MIR2052HG: variants seen among roughly 807,000 people sequenced by gnomAD.
MIR2052HG encodes MIR2052 host gene.
chr8:74,725,127 A>G (rs1563540343), intron 4 of MIR2052HG, among the ~76,000 whole-genome samples: 1 of 152,256 alleles, frequency 6.6e-6, no homozygotes, highest in African/African-American at 2.4e-5. Flanking sequence ...GAGTAGGGAA[A>G]AAAAGGTATT....
At chr8:74,704,255 G>A (rs1339732961) in intron 4 of MIR2052HG, among the ~76,000 whole-genome samples, 1 of 151,768 alleles carries the variant, frequency 6.6e-6, no homozygotes, top group Non-Finnish European at 1.5e-5. Flanking sequence ...ATACTTCTTG[G>A]CAATGAGAGC....
intron 1 of MIR2052HG, among the ~76,000 whole-genome samples, chr8:74,602,376 C>G (rs1207714231): frequency 6.6e-6 from 1 of 152,174 alleles, no homozygotes; most frequent in East Asian, 1.9e-4. Flanking sequence ...CCATCAGTTC[C>G]AGAGATTGCC....
intron 4 of MIR2052HG, among the ~76,000 whole-genome samples, chr8:74,749,514 A>G (rs140878462): frequency 2.2e-4 from 33 of 152,290 alleles, no homozygotes; most frequent in African/African-American, 7.9e-4. Context: ...AAACGTCTCA[A>G]CATAATTTCA....
At chr8:74,658,171 A>G (rs773402450) in intron 2 of MIR2052HG, among the ~76,000 whole-genome samples, 10 of 152,156 alleles carry the variant, frequency 6.6e-5, no homozygotes, top group Non-Finnish European at 1.2e-4. Context: ...AGTGAGACCA[A>G]TACACAATTA....
intron 2 of MIR2052HG, among the ~76,000 whole-genome samples, chr8:74,670,382 T>C (rs1563527991): frequency 6.6e-6 from 1 of 152,176 alleles, no homozygotes; most frequent in Non-Finnish European, 1.5e-5. Context: ...TCCGGTAATA[T>C]GGCAGGCTAT....
intron 2 of MIR2052HG, among the ~76,000 whole-genome samples, chr8:74,652,678 C>T (rs919479100): frequency 6.6e-6 from 1 of 152,082 alleles, no homozygotes; most frequent in African/African-American, 2.4e-5. Context: ...AGGTATTCTG[C>T]ATTAAATGTG....
intron 4 of MIR2052HG, among the ~76,000 whole-genome samples, chr8:74,746,403 A>G (rs1809885757): frequency 1.3e-5 from 2 of 152,160 alleles, no homozygotes; most frequent in South Asian, 4.1e-4. Flanking sequence ...ATAGAATGAT[A>G]AATAGTCCAG....
At chr8:74,714,523 G>A (rs1809501185) in intron 4 of MIR2052HG, among the ~76,000 whole-genome samples, 1 of 152,020 alleles carries the variant, frequency 6.6e-6, no homozygotes, top group South Asian at 2.1e-4. Context: ...CACTTCCAGA[G>A]GGCTACAATG....
At chr8:74,625,280 T>C (rs1413247632) in intron 2 of MIR2052HG, 1 of 152,220 alleles carries the variant, frequency 6.6e-6, no homozygotes, top group African/African-American at 2.4e-5. Context: ...CCCAGGCTTG[T>C]CTTGAACTCC....
At chr8:74,695,317 A>C (rs558830477) in intron 2 of MIR2052HG, among the ~76,000 whole-genome samples, 1 of 152,342 alleles carries the variant, frequency 6.6e-6, no homozygotes, top group Admixed American at 6.5e-5. Flanking sequence ...GGAGCTCTAA[A>C]TCTTGAAATA....
chr8:74,707,407 G>T (rs546148861), intron 4 of MIR2052HG, among the ~76,000 whole-genome samples: 1 of 152,120 alleles, frequency 6.6e-6, no homozygotes, highest in Non-Finnish European at 1.5e-5. Context: ...GGATAGTATC[G>T]ATATGGTAGA....
exon 3 of MIR2052HG, chr8:74,702,393 T>A (rs774897586): frequency 6.6e-6 from 3 of 454,588 alleles, no homozygotes; most frequent in Non-Finnish European, 1.3e-5. Context: ...AGCTATGCCA[T>A]CTTTTATGTC....
intron 4 of MIR2052HG, among the ~76,000 whole-genome samples, chr8:74,720,784 T>G (rs1809569627): frequency 6.6e-6 from 1 of 152,122 alleles, no homozygotes. Context: ...TTTAATTGAC[T>G]CACAGTTCCA....
At chr8:74,624,729 C>A (rs1808411645) in intron 2 of MIR2052HG, among the ~76,000 whole-genome samples, 1 of 152,124 alleles carries the variant, frequency 6.6e-6, no homozygotes, top group Admixed American at 6.5e-5. Flanking sequence ...GGCACTTGTG[C>A]ATTTATTTGT....
chr8:74,686,601 AGTTT>A (rs1204784753), intron 2 of MIR2052HG, among the ~76,000 whole-genome samples: 1 of 152,050 alleles, frequency 6.6e-6, no homozygotes, highest in African/African-American at 2.4e-5. Context: ...ACCTTGGGTA[AGTTT>A]CTTGAATCTA....
chr8:74,718,472 C>T (rs1051160471), intron 4 of MIR2052HG, among the ~76,000 whole-genome samples: 11 of 152,054 alleles, frequency 7.2e-5, no homozygotes, highest in Admixed American at 2.0e-4. Context: ...TTGTTTTTGT[C>T]CAGCCAGTGA....
chr8:74,645,283 T>C (rs1469579119), intron 2 of MIR2052HG, among the ~76,000 whole-genome samples: 1 of 151,964 alleles, frequency 6.6e-6, no homozygotes, highest in Non-Finnish European at 1.5e-5. Context: ...TTAAATCTTT[T>C]CTTTCTTTTT....
At chr8:74,708,798 A>C (rs566117092) in intron 4 of MIR2052HG, among the ~76,000 whole-genome samples, 8 of 151,206 alleles carry the variant, frequency 5.3e-5, no homozygotes, top group African/African-American at 1.9e-4. Flanking sequence ...TAAATTTAAA[A>C]AAAATTTAAA....
intron 2 of MIR2052HG, among the ~76,000 whole-genome samples, chr8:74,649,726 T>C (rs1020774073): frequency 1.3e-5 from 2 of 152,182 alleles, no homozygotes; most frequent in African/African-American, 4.8e-5. Context: ...ACTCACTATA[T>C]GTTTCTCATG....
Sources: allele counts gnomAD v4.1 joint callset (sites outside exome capture counted in the v4.1 genomes callset), GRCh38; gene constraint gnomAD v4.1.1; transcripts MANE v1.5; gene names NCBI Gene and HGNC (gene_info 2026-07-23, HGNC 2026-07-21).